Variants in SPON1 observed in about 807,000 individuals in gnomAD.
The protein encoded by SPON1 is spondin 1, also known as spondin-1.
In SPON1, 52 loss-of-function variants were observed where a neutral mutation model predicts 111.7. The ratio of observed to expected loss-of-function variants is 0.47; its 90% CI spans 0.37 to 0.59. The LOEUF is 0.59. SPON1 is among the 20% of genes least tolerant of loss of function. SPON1 has a pLI of 0.00. For synonymous variants in SPON1, 410 were observed against 395.8 expected (o/e 1.04, Z -0.43); for missense variants, 957 against 1,068.5 (o/e 0.90, Z 1.46).
At chr11:14,260,826 T>A in intron 14 of SPON1, 74 bp downstream of exon 14, 2 of 1,469,392 alleles carry the variant, frequency 1.4e-6, no homozygotes, top group South Asian at 2.6e-5. Flanking sequence ...CAGCCAGTGC[T>A]AATACTGCTA....
At position 14,022,971 on chromosome 11, in the gene SPON1, C is replaced by T. The variant is rs1848491801; in HGVS notation, c.346-18550C>T. Among the ~76,000 whole-genome samples the T allele has an allele frequency of 3.9e-5, 6 of 152,196 alleles. No homozygotes were observed. The South Asian group carries it at 1.0e-3, about 26-fold the overall frequency. ...GGCATATCTAAATTTGTTCCTCCCTCTTTTCCTTCCTAACTCCTTAAGGTT... is the reference window on the plus strand; with the variant it reads ...GGCATATCTAAATTTGTTCCTCCCTTTTTTCCTTCCTAACTCCTTAAGGTT... On this transcript the variant is annotated intron_variant, in intron 2 of 15. Coordinates refer to ENST00000576479, the MANE Select transcript of SPON1 (RefSeq NM_006108.4).
chr11:14,115,315 A>T (rs1211266630), intron 5 of SPON1, among the ~76,000 whole-genome samples: 1 of 152,212 alleles, frequency 6.6e-6, no homozygotes, highest in Non-Finnish European at 1.5e-5. Context: ...AAAAGTGGGT[A>T]AATTGTAAGT....
At chr11:14,192,643 GC>G (rs1848358946) in intron 6 of SPON1, among the ~76,000 whole-genome samples, 1 of 151,972 alleles carries the variant, frequency 6.6e-6, no homozygotes, top group Admixed American at 6.6e-5. Context: ...CCTCCTCCAA[GC>G]CACACATACC....
chr11:14,155,884 T>C (rs1335981526), intron 6 of SPON1, among the ~76,000 whole-genome samples: 3 of 130,226 alleles, frequency 2.3e-5, no homozygotes, highest in African/African-American at 8.1e-5. Flanking sequence ...CACATTTTCT[T>C]AATCCAGTCT....
At chr11:14,008,657 A>G (rs1848382114) in intron 2 of SPON1, among the ~76,000 whole-genome samples, 1 of 152,112 alleles carries the variant, frequency 6.6e-6, no homozygotes, top group Admixed American at 6.6e-5. Context: ...TACTAAAATA[A>G]TGGATCTCTC....
At chr11:14,049,475 C>A (rs1848692857) in intron 3 of SPON1, among the ~76,000 whole-genome samples, 1 of 152,168 alleles carries the variant, frequency 6.6e-6, no homozygotes, top group Admixed American at 6.5e-5. Flanking sequence ...CAGATAAAGT[C>A]CAAATCCTGA....
intron 6 of SPON1, among the ~76,000 whole-genome samples, chr11:14,235,389 G>C (rs1002262499): frequency 3.9e-5 from 6 of 152,124 alleles, no homozygotes; most frequent in African/African-American, 1.4e-4. Context: ...ACAATAAAAA[G>C]TAAATAAGGC....
chr11:14,128,673 G>T (rs111516607), intron 5 of SPON1, among the ~76,000 whole-genome samples: 10,737 of 152,344 alleles, frequency 0.07, 496 homozygotes, highest in Non-Finnish European at 0.11. Flanking sequence ...TGGGGACTCT[G>T]TGTGGTGAGT....
chr11:14,154,091 C>T (rs1847815220), intron 6 of SPON1, among the ~76,000 whole-genome samples: 2 of 152,170 alleles, frequency 1.3e-5, no homozygotes, highest in Non-Finnish European at 2.9e-5. Flanking sequence ...AGACTGGCAT[C>T]AAGTGCCTGC....
chr11:14,160,631 A>T lies in SPON1; in HGVS notation c.825+25063A>T, dbSNP rs1192985436. ...TTTATATATATTTATATATATATTT[A>T]TATATATTTACATATATTTATATAT... On this transcript the variant is annotated intron_variant, in intron 6 of 15. Transcript: ENST00000576479. Among the ~76,000 whole-genome samples the T allele has an allele frequency of 8.7e-4, 27 of 30,898 alleles. 4 individuals carry two copies. The highest frequency in any genetic ancestry group is 4.4e-3 in the East Asian group (3 of 688). The allele number at this position is 30,898 out of a possible 152,430, so 20.3% of individuals were successfully genotyped here.
intron 1 of SPON1, among the ~76,000 whole-genome samples, chr11:13,980,145 A>G (rs1351302514): frequency 6.6e-6 from 1 of 151,828 alleles, no homozygotes; most frequent in Non-Finnish European, 1.5e-5. Flanking sequence ...GGTTCCAGCA[A>G]TTCTCCTGCC....
intron 14 of SPON1, among the ~76,000 whole-genome samples, chr11:14,262,189 A>G (rs1445774575): frequency 6.6e-6 from 1 of 152,148 alleles, no homozygotes; most frequent in African/African-American, 2.4e-5. Flanking sequence ...AGACCACCAT[A>G]TATAGAACAC....
chr11:14,199,624 A>G (rs1848439927), intron 6 of SPON1, among the ~76,000 whole-genome samples: 1 of 152,090 alleles, frequency 6.6e-6, no homozygotes, highest in South Asian at 2.1e-4. Flanking sequence ...TTTAAACACA[A>G]AGCTAACAAT....
chr11:14,256,386 A>G (rs1448398819), intron 9 of SPON1, among the ~76,000 whole-genome samples: 1 of 152,266 alleles, frequency 6.6e-6, no homozygotes, highest in Admixed American at 6.5e-5. Context: ...GCCATGGGCC[A>G]GGAACTGGGG....
In SPON1 at chr11:14,259,259, C is replaced by T. The variant is rs782002071; in HGVS notation, c.1493-21C>T. On this transcript the variant is annotated intron_variant, in intron 11 of 15. Coordinates refer to ENST00000576479, the MANE Select transcript of SPON1 (RefSeq NM_006108.4). The surrounding 1 kb of genome is among the most constrained non-coding windows in gnomAD (Gnocchi z 5.0). ...CCCCTGCCACCGTGCACTGCTGCAG[C>T]GTTCACTCGGTGTGTTGCAGACGGC... 3.8e-6 allele frequency: 6 copies of T among 1,594,858 alleles called. No individual in the cohort carries two copies. Among genetic ancestry groups the T allele is most frequent in the East Asian group, 2.3e-5 (1 of 44,260 alleles).
Position 14,255,664 on chromosome 11 carries a change from C to A in SPON1, c.1110C>A (p.Thr370=). 6.2e-7 allele frequency: 1 copy of A among 1,613,940 alleles called. No individual in the cohort carries two copies. The highest frequency in any genetic ancestry group is 1.3e-5 in the African/African-American group (1 of 75,048). The change falls in exon 9 of 16, where the codon ACC becomes ACA. Residue 370 remains threonine (T), a synonymous_variant. Coordinates refer to ENST00000576479, the MANE Select transcript of SPON1 (RefSeq NM_006108.4). ...GVTYESPNKP[T]IPQEKIRPLT... is the part of the protein sequence containing the mutation. Reference sequence around the variant, plus strand: ...TCTTGCAGTCACCCAACAAACCCACCATTCCCCAGGAGAAAATCCGGCCCC... The same window carrying A: ...TCTTGCAGTCACCCAACAAACCCACAATTCCCCAGGAGAAAATCCGGCCCC...
intron 6 of SPON1, among the ~76,000 whole-genome samples, chr11:14,194,401 A>G (rs1554934844): frequency 6.6e-6 from 1 of 152,176 alleles, no homozygotes; most frequent in Non-Finnish European, 1.5e-5. Context: ...TTGAATGGCA[A>G]ATGCCAGCCA....
At chr11:14,026,584 G>A (rs1445437033) in intron 2 of SPON1, among the ~76,000 whole-genome samples, 3 of 152,174 alleles carry the variant, frequency 2.0e-5, no homozygotes, top group African/African-American at 7.2e-5. Context: ...GAGGGGGTGG[G>A]GGAAACGGGG....
chr11:14,231,972 CGT>C (rs10650808), intron 6 of SPON1, among the ~76,000 whole-genome samples: 6 of 149,184 alleles, frequency 4.0e-5, no homozygotes, highest in South Asian at 2.2e-4. Flanking sequence ...CCTCCTACGC[CGT>C]GTGTGTGTGT....
Sources: allele counts gnomAD v4.1 joint callset (sites outside exome capture counted in the v4.1 genomes callset), GRCh38; gene constraint gnomAD v4.1.1; non-coding constraint Gnocchi (gnomAD v3.1); transcripts MANE v1.5; gene names NCBI Gene and HGNC (gene_info 2026-07-23, HGNC 2026-07-21).